Variants in ZFHX3 observed in about 807,000 individuals in gnomAD.
ZFHX3 encodes zinc finger homeobox protein 3.
In ZFHX3, 42 loss-of-function variants were observed where a neutral mutation model predicts 279.1. That is an observed-to-expected ratio of 0.15 (90% CI 0.12 to 0.19). The LOEUF (loss-of-function observed/expected upper bound fraction) is 0.19. Ranked by LOEUF, ZFHX3 falls within the 10% of genes least tolerant of loss-of-function variation. The pLI, the probability that ZFHX3 is intolerant of heterozygous loss-of-function variation, is 1.00. For synonymous variants in ZFHX3, 2,293 were observed against 1,957.8 expected, an observed-to-expected ratio of 1.17 and a Z score of -4.52; for missense variants, 4,981 against 4,754.0, an observed-to-expected ratio of 1.05 and a Z score of -1.40.
chr16:73,447,944 G>A (rs2018215518), intron 3 of ZFHX3, among the ~76,000 whole-genome samples: 1 of 152,152 alleles, frequency 6.6e-6, no homozygotes, highest in African/African-American at 2.4e-5. Flanking sequence ...GTTGATGTGA[G>A]GTAAAGGAGT....
At chr16:73,869,407 G>A (rs1039177033) in intron 1 of ZFHX3, among the ~76,000 whole-genome samples, 4 of 152,088 alleles carry the variant, frequency 2.6e-5, no homozygotes, top group South Asian at 2.1e-4. Context: ...TACCACAAAC[G>A]CTAAGCAACT....
At chr16:73,025,962 G>A (rs1548373) in intron 1 of ZFHX3, among the ~76,000 whole-genome samples, 49,017 of 151,726 alleles carry the variant, frequency 0.32, 8,042 homozygotes, top group East Asian at 0.45. Flanking sequence ...GACAAGTTAT[G>A]TGACCTCCAC....
intron 7 of ZFHX3, among the ~76,000 whole-genome samples, 187 bp from the exon 8 acceptor site, chr16:72,800,316 G>A (rs1265107427): frequency 3.9e-5 from 6 of 152,104 alleles, no homozygotes; most frequent in Admixed American, 1.3e-4. Context: ...GTGTTTCTAC[G>A]GTTACATTCT....
At chr16:73,659,928 G>A (rs1292724622) in intron 2 of ZFHX3, among the ~76,000 whole-genome samples, 6 of 152,262 alleles carry the variant, frequency 3.9e-5, no homozygotes, top group Admixed American at 2.6e-4. Context: ...TTGATGGAGC[G>A]AGGTTGGTCA....
At chr16:73,440,736 T>G (rs1401542793) in intron 3 of ZFHX3, among the ~76,000 whole-genome samples, 1 of 152,232 alleles carries the variant, frequency 6.6e-6, no homozygotes, top group African/African-American at 2.4e-5. Context: ...TGGCCAGCCT[T>G]TCAAATGGCT....
chr16:73,442,227 G>C (rs1012033891), intron 3 of ZFHX3, among the ~76,000 whole-genome samples: 1 of 152,210 alleles, frequency 6.6e-6, no homozygotes, highest in Non-Finnish European at 1.5e-5. Flanking sequence ...TGCAGGTGGA[G>C]GCTAGAAGTC....
chr16:72,820,749 C>T (rs529390336), intron 5 of ZFHX3, among the ~76,000 whole-genome samples: 7 of 152,302 alleles, frequency 4.6e-5, no homozygotes, highest in Admixed American at 6.5e-5. Flanking sequence ...GCACTTATTA[C>T]GCTTCCCTGT....
At chr16:73,530,994 T>A (rs2019790699) in intron 2 of ZFHX3, among the ~76,000 whole-genome samples, 1 of 152,220 alleles carries the variant, frequency 6.6e-6, no homozygotes, top group South Asian at 2.1e-4. Flanking sequence ...TTTATGCTCC[T>A]AACGGGAGAG....
chr16:72,904,001 T>C (rs2039104988), intron 3 of ZFHX3, among the ~76,000 whole-genome samples: 3 of 152,168 alleles, frequency 2.0e-5, no homozygotes. Flanking sequence ...CGCCACACCA[T>C]CAACAGCATC....
intron 2 of ZFHX3, among the ~76,000 whole-genome samples, chr16:73,638,801 G>A (rs929254892): frequency 2.0e-5 from 3 of 152,090 alleles, no homozygotes; most frequent in African/African-American, 7.2e-5. Flanking sequence ...GTTGAATGAA[G>A]GAATCAAGAA....
intron 5 of ZFHX3, among the ~76,000 whole-genome samples, chr16:73,191,943 C>T (rs769873242): frequency 2.6e-5 from 4 of 152,224 alleles, no homozygotes; most frequent in Non-Finnish European, 5.9e-5. Context: ...AGGAATCTGA[C>T]CCACCAAACA....
At chr16:73,317,690 A>G (rs2015483668) in intron 4 of ZFHX3, among the ~76,000 whole-genome samples, 1 of 152,200 alleles carries the variant, frequency 6.6e-6, no homozygotes, top group South Asian at 2.1e-4. Context: ...ATGAGCCCTA[A>G]GGAGACCCAC....
chr16:73,108,384 C>T (rs879844562), intron 7 of ZFHX3, among the ~76,000 whole-genome samples: 8 of 151,456 alleles, frequency 5.3e-5, no homozygotes, highest in African/African-American at 1.2e-4. Context: ...AGGAGGAAGA[C>T]GATGAAGAGG....
intron 2 of ZFHX3, among the ~76,000 whole-genome samples, chr16:73,558,095 T>C (rs2020314410): frequency 1.3e-5 from 2 of 152,148 alleles, no homozygotes; most frequent in Non-Finnish European, 2.9e-5. Flanking sequence ...TATGAAGATG[T>C]CCCAGGACAA....
intron 1 of ZFHX3, chr16:73,014,515 CTTCTTTTTTTTTTTT>C (rs1244544136): frequency 2.1e-5 from 2 of 95,344 alleles, no homozygotes; most frequent in African/African-American, 7.8e-5. Context: ...GTAATTTCTT[CTTCTTTTTTTTTTTT>C]TTTTTTTTTT....
intron 7 of ZFHX3, among the ~76,000 whole-genome samples, chr16:72,805,539 GTC>G (rs1491298290): frequency 0.014 from 2,141 of 152,312 alleles, 23 homozygotes; most frequent in African/African-American, 0.02. Context: ...GACCAAGCCA[GTC>G]TCTACATCCT....
intron 3 of ZFHX3, among the ~76,000 whole-genome samples, chr16:73,434,103 C>G (rs564149100): frequency 2.0e-5 from 3 of 152,190 alleles, no homozygotes; most frequent in Non-Finnish European, 4.4e-5. Context: ...GTCAATAAAC[C>G]GCCCAAACAC....
intron 5 of ZFHX3, among the ~76,000 whole-genome samples, chr16:73,183,866 G>A (rs1967853043): frequency 6.6e-6 from 1 of 151,952 alleles, no homozygotes; most frequent in Admixed American, 6.6e-5. Context: ...CTCTGATCTC[G>A]TTCTTATGCT....
At chr16:73,812,550 A>T (rs1448120821) in intron 1 of ZFHX3, 1 of 152,236 alleles carries the variant, frequency 6.6e-6, no homozygotes, top group Admixed American at 6.5e-5. Context: ...AGTCTGCCAC[A>T]GTCCCCACCA....
Sources: gnomAD v4.1 joint callset for allele counts (sites outside exome capture counted in the v4.1 genomes callset) on GRCh38, gnomAD v4.1.1 for gene constraint, MANE v1.5 for transcripts, NCBI Gene and HGNC (gene_info 2026-07-23, HGNC 2026-07-21) for gene names.